NAA11: variants seen among roughly 807,000 people sequenced by gnomAD.
NAA11 encodes N-alpha-acetyltransferase 11.
In NAA11, 15 loss-of-function variants were observed where a neutral mutation model predicts 16.1. That is an observed-to-expected ratio of 0.93 (90% CI 0.62 to 1.44). The LOEUF (loss-of-function observed/expected upper bound fraction) is 1.44, where lower values mean the gene tolerates loss of function less well. NAA11 is among the 40% of genes most tolerant of loss of function. The pLI is 0.00. For synonymous variants in NAA11, 122 were observed against 112.4 expected, an observed-to-expected ratio of 1.09 and a Z score of -0.54; for missense variants, 298 against 291.3, an observed-to-expected ratio of 1.02 and a Z score of -0.17.
chr4:79,175,552 T>C, the NAA11 span, among the ~76,000 whole-genome samples: 1 of 152,066 alleles, frequency 6.6e-6, no homozygotes, highest in Non-Finnish European at 1.5e-5. Flanking sequence ...ATGAGAATGA[T>C]ATTCTCGTTA....
At chr4:79,275,675 T>G (rs1722631052) in intron 2 of NAA11, among the ~76,000 whole-genome samples, 1 of 152,134 alleles carries the variant, frequency 6.6e-6, no homozygotes, top group Non-Finnish European at 1.5e-5. Context: ...AAATGGGTTA[T>G]CCTGAAATCT....
chr4:79,306,823 G>C (rs1723595472), intron 1 of NAA11: 1 of 152,068 alleles, frequency 6.6e-6, no homozygotes, highest in African/African-American at 2.4e-5. Flanking sequence ...TTTCATTATT[G>C]CTCTCGTTAT....
At chr4:79,269,929 A>C (rs1722451550) in intron 2 of NAA11, among the ~76,000 whole-genome samples, 1 of 152,134 alleles carries the variant, frequency 6.6e-6, no homozygotes, top group South Asian at 2.1e-4. Flanking sequence ...ATGGCTAGCC[A>C]GTTTTCCCAG....
At chr4:79,318,396 ACATT>A (rs1046268599) in intron 1 of NAA11, among the ~76,000 whole-genome samples, 3 of 152,194 alleles carry the variant, frequency 2.0e-5, no homozygotes, top group African/African-American at 7.2e-5. Flanking sequence ...AATCATACAT[ACATT>A]ATTTTTCTCT....
At chr4:79,280,373 C>G (rs568523117) in intron 2 of NAA11, among the ~76,000 whole-genome samples, 1 of 152,114 alleles carries the variant, frequency 6.6e-6, no homozygotes, top group Non-Finnish European at 1.5e-5. Context: ...TGTTATTTTC[C>G]TGGGATTTGG....
chr4:79,255,581 A>G (rs1722090322), intron 2 of NAA11, among the ~76,000 whole-genome samples: 1 of 152,228 alleles, frequency 6.6e-6, no homozygotes, highest in Non-Finnish European at 1.5e-5. Flanking sequence ...ACCAAAAAAC[A>G]ATATTAATCT....
intron 2 of NAA11, among the ~76,000 whole-genome samples, chr4:79,229,076 A>G (rs547179411): frequency 6.6e-6 from 1 of 152,084 alleles, no homozygotes; most frequent in South Asian, 2.1e-4. Flanking sequence ...TACAAAGTCC[A>G]ATATAGCAAC....
At chr4:79,173,967 A>C in the NAA11 span, among the ~76,000 whole-genome samples, 1 of 152,226 alleles carries the variant, frequency 6.6e-6, no homozygotes, top group Non-Finnish European at 1.5e-5. Context: ...TAGGACAACA[A>C]CAATTAGAGG....
intron 1 of NAA11, among the ~76,000 whole-genome samples, chr4:79,303,614 T>G (rs1723476670): frequency 1.3e-5 from 2 of 152,216 alleles, no homozygotes; most frequent in Admixed American, 6.5e-5. Flanking sequence ...GGCTTTGGTC[T>G]GAGATAAAAC....
the NAA11 span, among the ~76,000 whole-genome samples, chr4:79,170,090 C>T: frequency 3.9e-5 from 6 of 152,162 alleles, no homozygotes; most frequent in Non-Finnish European, 5.9e-5. Flanking sequence ...GAACAGAATG[C>T]ATCACAAATG....
At position 79,325,339 on chromosome 4, in the gene NAA11, G is replaced by GTCTCCTGGT. The variant is rs1299947927; in HGVS notation, c.530_538dup (p.Asn177_Glu179dup). On this transcript the variant is annotated inframe_insertion, in exon 1 of 2. Coordinates refer to ENST00000286794, the MANE Select transcript of NAA11 (RefSeq NM_032693.3). ...AGAATCAGAAAGTGTGCTGCCCTGG[G>GTCTCCTGGT]TCTCCTGGTTCTCCCTGGAGCCCAG... The GTCTCCTGGT allele has an allele frequency of 6.2e-7, 1 of 1,613,930 alleles. No homozygotes were observed. Among genetic ancestry groups the GTCTCCTGGT allele is most frequent in the Admixed American group, 1.7e-5 (1 of 60,024 alleles).
At chr4:79,198,600 A>T in the NAA11 span, among the ~76,000 whole-genome samples, 1 of 151,934 alleles carries the variant, frequency 6.6e-6, no homozygotes, top group East Asian at 1.9e-4. Flanking sequence ...GCACACTTTC[A>T]GCAACAAGGG....
At chr4:79,175,834 A>G in the NAA11 span, among the ~76,000 whole-genome samples, 3 of 151,962 alleles carry the variant, frequency 2.0e-5, no homozygotes, top group Non-Finnish European at 4.4e-5. Context: ...ATCTAATGTA[A>G]TGTGAGTTCA....
chr4:79,310,184 C>T (rs905907332), intron 1 of NAA11, among the ~76,000 whole-genome samples: 38 of 152,208 alleles, frequency 2.5e-4, no homozygotes, highest in African/African-American at 9.2e-4. Flanking sequence ...ACTGGAAAGA[C>T]AAAAACAATC....
At chr4:79,263,019 A>G (rs972662579) in intron 2 of NAA11, among the ~76,000 whole-genome samples, 2 of 152,208 alleles carry the variant, frequency 1.3e-5, no homozygotes, top group African/African-American at 4.8e-5. Context: ...TACCTAGGGC[A>G]TAAATAGTCA....
chr4:79,295,673 C>G (rs1383267889), intron 1 of NAA11, among the ~76,000 whole-genome samples: 2 of 152,098 alleles, frequency 1.3e-5, no homozygotes, highest in African/African-American at 2.4e-5. Flanking sequence ...GTTCAAAATG[C>G]TAGACATTAA....
chr4:79,235,003 T>C (rs1314820508), intron 2 of NAA11, among the ~76,000 whole-genome samples: 1 of 152,054 alleles, frequency 6.6e-6, no homozygotes, highest in East Asian at 1.9e-4. Flanking sequence ...CTTAATTAGT[T>C]AATAAAGAAA....
At chr4:79,273,913 A>G (rs1322720933) in intron 2 of NAA11, among the ~76,000 whole-genome samples, 2 of 152,078 alleles carry the variant, frequency 1.3e-5, no homozygotes, top group Non-Finnish European at 2.9e-5. Flanking sequence ...CTGCAAAGCC[A>G]TGAAGAATCC....
the NAA11 span, among the ~76,000 whole-genome samples, chr4:79,196,426 T>G: frequency 1.3e-5 from 2 of 152,010 alleles, no homozygotes; most frequent in Non-Finnish European, 2.9e-5. Context: ...TATAATTAGA[T>G]GTACTATATT....
Sources: gnomAD v4.1 joint callset for allele counts (sites outside exome capture counted in the v4.1 genomes callset) on GRCh38, gnomAD v4.1.1 for gene constraint, MANE v1.5 for transcripts, NCBI Gene and HGNC (gene_info 2026-07-23, HGNC 2026-07-21) for gene names.